Variants in RBM17 observed in about 807,000 individuals in gnomAD.
The protein encoded by RBM17 is splicing factor 45.
In RBM17, 7 loss-of-function variants were observed where a neutral mutation model predicts 53.2. The observed-to-expected ratio is 0.13, with a 90% confidence interval of 0.07 to 0.25. The LOEUF is 0.25. Ranked by LOEUF, RBM17 falls within the 10% of genes least tolerant of loss-of-function variation. RBM17 has a pLI of 1.00. For synonymous variants in RBM17, 167 were observed against 178.1 expected (o/e 0.94, Z 0.50); for missense variants, 257 against 496.7 (o/e 0.52, Z 4.59).
intron 1 of RBM17, among the ~76,000 whole-genome samples, chr10:6,094,449 G>C (rs537664509): frequency 2.0e-5 from 3 of 152,180 alleles, no homozygotes; most frequent in Non-Finnish European, 2.9e-5. Context: ...CCAGAAAGTC[G>C]CATTGTTTAT....
chr10:6,091,008 A>AATGTTTAT (rs1840473323), intron 1 of RBM17, among the ~76,000 whole-genome samples: 9 of 72,436 alleles, frequency 1.2e-4, no homozygotes, highest in Non-Finnish European at 2.7e-4. Context: ...TAAATATATA[A>AATGTTTAT]ATATTTATAT....
Position 6,097,352 on chromosome 10 carries a change from C to A in RBM17, c.123+164C>A, listed in dbSNP as rs551172278. On this transcript the variant is annotated intron_variant, in intron 2 of 11. Transcript: ENST00000379888. ...TGAGGAGTTTAAGGCCACTTTGCTA[C>A]TCCTGGCTCCTGGGAATAGGAACAT... is the stretch of plus-strand genomic sequence containing the variant. 5.3e-5 allele frequency among the ~76,000 whole-genome samples: 8 copies of A among 152,334 alleles called. No individual in the cohort carries two copies. The East Asian group carries it at 1.2e-3, about 22-fold the overall frequency.
chr10:6,116,881 G>A lies in RBM17; in HGVS notation c.*1325G>A, dbSNP rs1446439756. On this transcript the variant is annotated 3_prime_UTR_variant, in exon 12 of 12. Transcript: ENST00000379888. ...AATAAAATTGAGTTTTATGATAAAA[G>A]TGCACCTGTTCTGTAAAGTAAGTTG... 1 of 152,302 alleles carries A rather than the reference G, an allele frequency of 6.6e-6. No individual in the cohort carries two copies. The highest frequency in any genetic ancestry group is 1.5e-5 in the Non-Finnish European group (1 of 68,032). The allele number at this position is 152,302 out of a possible 1,614,324, so 9.4% of individuals were successfully genotyped here. A position where few individuals can be genotyped will look rare whatever the true frequency, so the allele number is the denominator to read the frequency against.
intron 7 of RBM17, among the ~76,000 whole-genome samples, chr10:6,111,444 G>C (rs1840836193): frequency 6.6e-6 from 1 of 152,158 alleles, no homozygotes; most frequent in Admixed American, 6.5e-5. Context: ...GGTTCAAGCA[G>C]TTCTCCTGCC....
chr10:6,112,543 C>T lies in RBM17; in HGVS notation c.856+182C>T. ...CTGTTCATATGATGCACTGCCACTT[C>T]CGTTTTGTGAAACCAGGAATCCTGA... On this transcript the variant is annotated intron_variant, in intron 8 of 11. Transcript: ENST00000379888. This position sits in a 1 kb window ranked among gnomAD's most constrained non-coding sequence, Gnocchi z 4.4. 4.5e-6 allele frequency: 3 copies of T among 665,214 alleles called. No homozygotes were observed. Among genetic ancestry groups the T allele is most frequent in the Non-Finnish European group, 7.9e-6 (3 of 379,944 alleles). The allele number at this position is 665,214 out of a possible 1,614,324, so 41.2% of individuals were successfully genotyped here.
rs143035403 is a variant in RBM17, at chr10:6,091,999, T to C, written c.-19+2806T>C. ...ATGTTTTAAAAAAATACTTTCCAGCTTGGGTGGAATCTTGAAAACTCACCA... is the reference window on the plus strand; with the variant it reads ...ATGTTTTAAAAAAATACTTTCCAGCCTGGGTGGAATCTTGAAAACTCACCA... On this transcript the variant is annotated intron_variant, in intron 1 of 11. Transcript: ENST00000379888. Among the ~76,000 whole-genome samples, 3 of 152,186 alleles carry C rather than the reference T, an allele frequency of 2.0e-5. 1 individual carries two copies. Among genetic ancestry groups the C allele is most frequent in the African/African-American group, 7.2e-5 (3 of 41,434 alleles).
At chr10:6,105,849 A>G (rs1840741039) in intron 4 of RBM17, among the ~76,000 whole-genome samples, 1 of 152,192 alleles carries the variant, frequency 6.6e-6, no homozygotes, top group South Asian at 2.1e-4. Flanking sequence ...AACTATTACT[A>G]TGTTGATAGG....
At position 6,091,099 on chromosome 10, in the gene RBM17, G is replaced by A. The variant is rs1840478235; in HGVS notation, c.-19+1906G>A. Among the ~76,000 whole-genome samples the A allele has an allele frequency of 4.0e-5, 6 of 149,632 alleles. 1 individual carries two copies. The South Asian group carries it at 1.3e-3, about 31-fold the overall frequency. ...TCCTGAGACAGAGTCTCACTCTATA[G>A]TCCAGGCTGGAGTGCAGCGGTGTAA... On this transcript the variant is annotated intron_variant, in intron 1 of 11. Transcript: ENST00000379888.
chr10:6,110,135 T>C lies in RBM17; in HGVS notation c.704+8T>C, dbSNP rs1840815368. The C allele has an allele frequency of 1.2e-6, 2 of 1,603,348 alleles. No individual in the cohort carries two copies. The highest frequency in any genetic ancestry group is 1.7e-6 in the Non-Finnish European group (2 of 1,174,854). On this transcript the variant is annotated splice_region_variant and intron_variant, in intron 7 of 11. Coordinates refer to ENST00000379888, the MANE Select transcript of RBM17 (RefSeq NM_032905.5). Reference sequence around the variant, plus strand: ...CTTCCTCGCTAACATGGGGTAATGATTTAATGTTCTTATCTAAGGACTTGA... The same window carrying C: ...CTTCCTCGCTAACATGGGGTAATGACTTAATGTTCTTATCTAAGGACTTGA...
At chr10:6,108,501 T>G (rs969519138) in intron 5 of RBM17, 185 bp from the exon 6 acceptor site, 16 of 494,292 alleles carry the variant, frequency 3.2e-5, no homozygotes, top group Non-Finnish European at 5.1e-5. Context: ...TGTTGCCACT[T>G]TTCTACATTT....
At chr10:6,113,990 C>T (rs1840876537) in intron 9 of RBM17, 59 bp from the exon 10 acceptor site, 3 of 1,081,790 alleles carry the variant, frequency 2.8e-6, no homozygotes, top group Non-Finnish European at 4.2e-6. Flanking sequence ...TTATATACCT[C>T]TGCTAGGTGT....
chr10:6,115,133 A>G (rs750477770), intron 10 of RBM17, 106 bp from the exon 11 acceptor site: 11 of 854,196 alleles, frequency 1.3e-5, no homozygotes, highest in Non-Finnish European at 2.0e-5. Flanking sequence ...ACTTGACTGT[A>G]TATGATGATA....
In RBM17 at chr10:6,112,158, C is replaced by A; in HGVS notation, c.705-52C>A. 1.3e-6 allele frequency: 2 copies of A among 1,584,702 alleles called. No individual in the cohort carries two copies. The highest frequency in any genetic ancestry group is 8.6e-7 in the Non-Finnish European group (1 of 1,168,232). On this transcript the variant is annotated intron_variant, in intron 7 of 11. Transcript: ENST00000379888. This position sits in a 1 kb window ranked among gnomAD's most constrained non-coding sequence, Gnocchi z 4.4. Reference sequence around the variant, plus strand: ...GTTGTGATGGAAAAATGCAACCTATCTCCAGTTGACGATGTCAAGGCTAAG... The same window carrying A: ...GTTGTGATGGAAAAATGCAACCTATATCCAGTTGACGATGTCAAGGCTAAG...
intron 2 of RBM17, among the ~76,000 whole-genome samples, chr10:6,098,563 GTTTTTTTTTTTTTTTTTT>G (rs398012715): frequency 4.3e-5 from 2 of 46,642 alleles, no homozygotes; most frequent in African/African-American, 1.6e-4. Context: ...CAGGTTTTTT[GTTTTTTTTTTTTTTTTTT>G]TTTTTTTTTT....
intron 2 of RBM17, among the ~76,000 whole-genome samples, chr10:6,098,556 G>GGTTTTTGTTTT (rs1840613398): frequency 1.5e-3 from 136 of 87,938 alleles, no homozygotes; most frequent in Non-Finnish European, 2.1e-3. Flanking sequence ...TAATACACAG[G>GGTTTTTGTTTT]TTTTTTGTTT....
rs1209975823 is a variant in RBM17, at chr10:6,106,569, A to G, written c.505+331A>G. Among the ~76,000 whole-genome samples, 15 of 152,192 alleles carry G rather than the reference A, an allele frequency of 9.9e-5. No homozygotes were observed. The South Asian group carries it at 3.1e-3, about 32-fold the overall frequency. On this transcript the variant is annotated intron_variant, in intron 5 of 11. Coordinates refer to ENST00000379888, the MANE Select transcript of RBM17 (RefSeq NM_032905.5). Reference sequence around the variant, plus strand: ...CACTCTGTTGTTTCTCTTAGGGGGGAAGCATAGTTAACATTGAGTGTGTCT... The same window carrying G: ...CACTCTGTTGTTTCTCTTAGGGGGGGAGCATAGTTAACATTGAGTGTGTCT...
At chr10:6,105,304 A>C (rs1840733060) in intron 4 of RBM17, among the ~76,000 whole-genome samples, 1 of 152,200 alleles carries the variant, frequency 6.6e-6, no homozygotes, top group Admixed American at 6.5e-5. Flanking sequence ...GAAGACCTAA[A>C]GTGTATATTT....
At chr10:6,115,159 C>G in intron 10 of RBM17, 80 bp from the exon 11 acceptor site, 1 of 1,089,182 alleles carries the variant, frequency 9.2e-7, no homozygotes, top group Non-Finnish European at 1.3e-6. Context: ...AATATCCACT[C>G]TGAGAAATCA....
At position 6,089,835 on chromosome 10, in the gene RBM17, C is replaced by G. The variant is rs898449779; in HGVS notation, c.-19+642C>G. ...CGGAGAATGCAGGTGGAATGAGGTT[C>G]TGCCCCTGCTTGCAGGAGTTTGGTT... On this transcript the variant is annotated intron_variant, in intron 1 of 11. Coordinates refer to ENST00000379888, the MANE Select transcript of RBM17 (RefSeq NM_032905.5). This position sits in a 1 kb window ranked among gnomAD's most constrained non-coding sequence, Gnocchi z 5.6. 2 of 152,370 alleles carry G rather than the reference C, an allele frequency of 1.3e-5. No homozygotes were observed. The highest frequency in any genetic ancestry group is 2.9e-5 in the Non-Finnish European group (2 of 68,102). The allele number at this position is 152,370 out of a possible 1,614,324, so 9.4% of individuals were successfully genotyped here.
Sources: gnomAD v4.1 joint callset for allele counts (sites outside exome capture counted in the v4.1 genomes callset) on GRCh38, gnomAD v4.1.1 for gene constraint, Gnocchi (gnomAD v3.1) non-coding constraint, MANE v1.5 for transcripts, NCBI Gene and HGNC (gene_info 2026-07-23, HGNC 2026-07-21) for gene names.